LYPD6: variants seen among roughly 807,000 people sequenced by gnomAD.
The protein encoded by LYPD6 is LY6/PLAUR domain containing 6.
Under a neutral mutation model 22.7 loss-of-function variants are expected in LYPD6, and 15 were observed. That is an observed-to-expected ratio of 0.66 (90% confidence interval 0.44 to 1.02). The LOEUF (loss-of-function observed/expected upper bound fraction) is 1.02, where lower values mean the gene tolerates loss of function less well. Among genes scored for constraint, LYPD6 ranks in the 50% least tolerant of loss-of-function variants. The pLI is 0.00. For synonymous variants in LYPD6, 72 were observed against 77.5 expected, an observed-to-expected ratio of 0.93 and a Z score of 0.37; for missense variants, 189 against 208.4, an observed-to-expected ratio of 0.91 and a Z score of 0.57.
chr2:149,462,065 T>C (rs559156878), intron 3 of LYPD6, among the ~76,000 whole-genome samples: 1 of 152,060 alleles, frequency 6.6e-6, no homozygotes, highest in South Asian at 2.1e-4. Flanking sequence ...ACAAGAAAAG[T>C]AAATAAAAGA....
At chr2:149,426,310 G>A (rs1683188009) in intron 1 of LYPD6, among the ~76,000 whole-genome samples, 1 of 152,128 alleles carries the variant, frequency 6.6e-6, no homozygotes, top group Admixed American at 6.6e-5. Context: ...TATTTGGTCA[G>A]GATTCTTGGA....
chr2:149,334,820 T>C (rs545290551), intron 1 of LYPD6, among the ~76,000 whole-genome samples: 2 of 151,734 alleles, frequency 1.3e-5, no homozygotes, highest in African/African-American at 4.8e-5. Context: ...GAAAATACAG[T>C]CATGCACCTC....
At chr2:149,382,652 T>G (rs1448156022) in intron 1 of LYPD6, among the ~76,000 whole-genome samples, 1 of 152,142 alleles carries the variant, frequency 6.6e-6, no homozygotes, top group Non-Finnish European at 1.5e-5. Context: ...TTAGCTTGAT[T>G]CAAATCTTAC....
chr2:149,391,629 C>T (rs746522621), intron 1 of LYPD6, among the ~76,000 whole-genome samples: 2 of 151,998 alleles, frequency 1.3e-5, no homozygotes, highest in Non-Finnish European at 2.9e-5. Flanking sequence ...TCTAGAAGGG[C>T]AAATATTTGA....
intron 1 of LYPD6, among the ~76,000 whole-genome samples, chr2:149,335,329 ATG>A (rs1175793669): frequency 6.6e-6 from 1 of 152,170 alleles, no homozygotes; most frequent in Non-Finnish European, 1.5e-5. Flanking sequence ...GCCCAGCCTA[ATG>A]TGTGTGCTTA....
intron 1 of LYPD6, among the ~76,000 whole-genome samples, chr2:149,377,781 A>C (rs948227845): frequency 0.048 from 4,482 of 93,878 alleles, 4 homozygotes; most frequent in Non-Finnish European, 0.062. Context: ...CTTTGTCCCC[A>C]CCCCCCCCCC....
intron 2 of LYPD6, among the ~76,000 whole-genome samples, chr2:149,445,852 A>G (rs1683675851): frequency 6.6e-6 from 1 of 152,224 alleles, no homozygotes; most frequent in Non-Finnish European, 1.5e-5. Flanking sequence ...ACTTCCTTCA[A>G]GAACCTTTCC....
chr2:149,462,578 A>G (rs1189451447), intron 3 of LYPD6, among the ~76,000 whole-genome samples: 2 of 151,670 alleles, frequency 1.3e-5, no homozygotes, highest in African/African-American at 2.4e-5. Context: ...TACAGTTTAT[A>G]TGGAAAGATA....
At chr2:149,478,835 A>G (rs1370336574), downstream of LYPD6, among the ~76,000 whole-genome samples, 1 of 152,178 alleles carries the variant, frequency 6.6e-6, no homozygotes, top group African/African-American at 2.4e-5. Flanking sequence ...CCTGGTACTT[A>G]CATGAAGGGA....
chr2:149,447,906 C>A (rs975427737), intron 2 of LYPD6, among the ~76,000 whole-genome samples: 2 of 152,088 alleles, frequency 1.3e-5, no homozygotes, highest in Non-Finnish European at 2.9e-5. Flanking sequence ...GAGGCCGAGG[C>A]TGGAAAATCC....
At chr2:149,366,308 A>G (rs1360833812) in intron 1 of LYPD6, among the ~76,000 whole-genome samples, 1 of 152,156 alleles carries the variant, frequency 6.6e-6, no homozygotes, top group Non-Finnish European at 1.5e-5. Context: ...TTACAATTTT[A>G]GATAAATAAA....
chr2:149,400,692 T>C (rs2105108474), intron 1 of LYPD6, among the ~76,000 whole-genome samples: 1 of 152,326 alleles, frequency 6.6e-6, no homozygotes, highest in Middle Eastern at 3.4e-3. Flanking sequence ...CAGGGCATCC[T>C]TAATTTATGT....
rs373713283 is a variant in LYPD6, at chr2:149,374,804, C to T, written c.-72+44082C>T. Among the ~76,000 whole-genome samples, 12 of 152,250 alleles carry T rather than the reference C, an allele frequency of 7.9e-5. No individual in the cohort carries two copies. The East Asian group carries it at 1.7e-3, about 22-fold the overall frequency. On this transcript the variant is annotated intron_variant, in intron 1 of 4. Transcript: ENST00000334166. Reference sequence around the variant, plus strand: ...ATTTTCAGGATGAAATTTGATTTTACAGCATAGTCATATTTATGCAATATG... The same window carrying T: ...ATTTTCAGGATGAAATTTGATTTTATAGCATAGTCATATTTATGCAATATG...
At chr2:149,376,444 G>C (rs997316760) in intron 1 of LYPD6, among the ~76,000 whole-genome samples, 5 of 151,872 alleles carry the variant, frequency 3.3e-5, no homozygotes, top group Admixed American at 6.6e-5. Context: ...GGTCTTCCTA[G>C]TTTGGAAAAA....
intron 2 of LYPD6, among the ~76,000 whole-genome samples, chr2:149,444,739 A>G (rs1683647423): frequency 1.3e-5 from 2 of 152,016 alleles, no homozygotes; most frequent in Non-Finnish European, 2.9e-5. Flanking sequence ...TCACCTTTTC[A>G]GGCTCCGCTT....
intron 1 of LYPD6, among the ~76,000 whole-genome samples, chr2:149,384,513 C>G (rs1483815557): frequency 6.6e-6 from 1 of 152,084 alleles, no homozygotes; most frequent in Non-Finnish European, 1.5e-5. Context: ...CAGCACTGGC[C>G]CCAGTCATGG....
Position 149,470,975 on chromosome 2 carries a change from G to A in LYPD6, c.*125G>A. 1.3e-6 allele frequency: 1 copy of A among 787,562 alleles called. No individual in the cohort carries two copies. The highest frequency in any genetic ancestry group is 2.0e-6 in the Non-Finnish European group (1 of 495,184). The allele number at this position is 787,562 out of a possible 1,614,324, so 48.8% of individuals were successfully genotyped here. ...CACAACACTCTTGGAGGTCATCACA[G>A]CCAAGCATTGCCACTTACCATGAGG... On this transcript the variant is annotated 3_prime_UTR_variant, in exon 5 of 5. Transcript: ENST00000334166.
intron 1 of LYPD6, among the ~76,000 whole-genome samples, chr2:149,395,886 G>A (rs550256868): frequency 1.3e-5 from 2 of 152,226 alleles, no homozygotes; most frequent in South Asian, 4.2e-4. Flanking sequence ...CTTTTACTCC[G>A]TGCATTTGTT....
At chr2:149,348,248 C>A (rs1457964553) in intron 1 of LYPD6, among the ~76,000 whole-genome samples, 2 of 151,878 alleles carry the variant, frequency 1.3e-5, no homozygotes, top group Non-Finnish European at 2.9e-5. Context: ...GAACAAAAAC[C>A]ACAAAAAATT....
Sources: allele counts gnomAD v4.1 joint callset (sites outside exome capture counted in the v4.1 genomes callset), GRCh38; gene constraint gnomAD v4.1.1; transcripts MANE v1.5; gene names NCBI Gene and HGNC (gene_info 2026-07-23, HGNC 2026-07-21).